MECOM: variants seen among roughly 807,000 people sequenced by gnomAD.
MECOM encodes the protein histone-lysine N-methyltransferase MECOM.
A neutral mutation model predicts 116.3 loss-of-function variants in MECOM; 13 were observed. The ratio of observed to expected loss-of-function variants is 0.11; its 90% CI spans 0.07 to 0.18. The LOEUF (loss-of-function observed/expected upper bound fraction) is 0.18. MECOM is among the 10% of genes least tolerant of loss of function. The pLI is 1.00. For missense variants in MECOM, 1,299 were observed against 1,509.0 expected, an observed-to-expected ratio of 0.86 and a Z score of 2.31; for synonymous variants, 528 against 535.2, an observed-to-expected ratio of 0.99 and a Z score of 0.19.
intron 1 of MECOM, among the ~76,000 whole-genome samples, chr3:169,638,012 C>T (rs1773021914): frequency 6.6e-6 from 1 of 152,198 alleles, no homozygotes; most frequent in Admixed American, 6.5e-5. Flanking sequence ...AGGAAATTCT[C>T]ATCAAGGATG....
chr3:169,323,777 A>G (rs1247170246), intron 2 of MECOM, among the ~76,000 whole-genome samples: 1 of 152,164 alleles, frequency 6.6e-6, no homozygotes, highest in East Asian at 1.9e-4. Context: ...CTGTTTGTAC[A>G]CTGACAGCAG....
At chr3:169,195,720 T>C (rs1480177290) in intron 2 of MECOM, among the ~76,000 whole-genome samples, 2 of 151,898 alleles carry the variant, frequency 1.3e-5, no homozygotes, top group South Asian at 2.1e-4. Flanking sequence ...AGATGCATTG[T>C]AGCCTGAGGG....
intron 1 of MECOM, among the ~76,000 whole-genome samples, chr3:169,549,892 C>A (rs1375188615): frequency 6.6e-6 from 1 of 152,030 alleles, no homozygotes; most frequent in Non-Finnish European, 1.5e-5. Context: ...ATAGCTTTGA[C>A]CTTTAGAGAG....
At chr3:169,352,469 T>C (rs923577240) in intron 2 of MECOM, among the ~76,000 whole-genome samples, 1 of 151,798 alleles carries the variant, frequency 6.6e-6, no homozygotes, top group African/African-American at 2.4e-5. Flanking sequence ...AACTGTGGAG[T>C]TGTCTAACGT....
At chr3:169,128,151 G>T in intron 4 of MECOM, 91 bp from the exon 5 acceptor site, 1 of 1,053,408 alleles carries the variant, frequency 9.5e-7, no homozygotes, top group Non-Finnish European at 1.5e-6. Flanking sequence ...GACATAATAG[G>T]TATTATTTGA....
chr3:169,141,522 C>G (rs529953693), intron 3 of MECOM, among the ~76,000 whole-genome samples: 20 of 152,110 alleles, frequency 1.3e-4, no homozygotes, highest in African/African-American at 4.8e-4. Context: ...AAAAACAGAC[C>G]TAGAGAATCT....
intron 8 of MECOM, 36 bp downstream of exon 8, chr3:169,115,347 T>A (rs1728805120): frequency 6.3e-7 from 1 of 1,590,020 alleles, no homozygotes. Context: ...CTTTCATACA[T>A]CTGCTCATAT....
At chr3:169,155,631 G>A (rs1360383104) in intron 2 of MECOM, among the ~76,000 whole-genome samples, 2 of 152,112 alleles carry the variant, frequency 1.3e-5, no homozygotes, top group Non-Finnish European at 2.9e-5. Context: ...AAACTCCAAT[G>A]GATCCCAATT....
chr3:169,196,640 C>T (rs1351722006), intron 2 of MECOM, among the ~76,000 whole-genome samples: 1 of 151,856 alleles, frequency 6.6e-6, no homozygotes, highest in Non-Finnish European at 1.5e-5. Context: ...TTCTAAATGG[C>T]TATTATTAAA....
At chr3:169,650,419 C>T (rs1774741166) in intron 1 of MECOM, among the ~76,000 whole-genome samples, 1 of 152,008 alleles carries the variant, frequency 6.6e-6, no homozygotes, top group East Asian at 1.9e-4. Flanking sequence ...ACAAAAAAGC[C>T]TTGAGGCCTG....
chr3:169,321,748 A>G (rs553402290), intron 2 of MECOM, among the ~76,000 whole-genome samples: 36 of 152,326 alleles, frequency 2.4e-4, no homozygotes, highest in African/African-American at 7.7e-4. Context: ...GAGGAGGTCA[A>G]ACATGAACAG....
intron 3 of MECOM, 73 bp from the exon 4 acceptor site, chr3:169,131,604 A>G: frequency 9.1e-7 from 1 of 1,098,066 alleles, no homozygotes; most frequent in Non-Finnish European, 1.3e-6. Context: ...AGGGCAAGAT[A>G]TACACTAAGA....
chr3:169,085,002 G>C lies in MECOM; in HGVS notation c.3627C>G (p.Leu1209=), dbSNP rs1717182718. The change falls in exon 17 of 17, where the codon CTC becomes CTG. Residue 1209 remains leucine, a synonymous_variant. Transcript: ENST00000651503. ...TGGAAGAACTGTGGGATGTAGAATGGAGGGACTCCTTGTCAGACAGTGACA... is the reference window on the plus strand; with the variant it reads ...TGGAAGAACTGTGGGATGTAGAATGCAGGGACTCCTTGTCAGACAGTGACA... The part of the protein sequence containing the change: ...MMLSLSDKES[L]HSTSHSSSNV... The C allele has an allele frequency of 1.2e-6, 2 of 1,614,148 alleles. No individual in the cohort carries two copies. The highest frequency in any genetic ancestry group is 1.7e-6 in the Non-Finnish European group (2 of 1,179,992).
At chr3:169,239,294 A>G (rs1297326126) in intron 2 of MECOM, among the ~76,000 whole-genome samples, 3 of 152,064 alleles carry the variant, frequency 2.0e-5, no homozygotes, top group African/African-American at 7.2e-5. Context: ...TAAATAATGT[A>G]ATACCAATAA....
chr3:169,106,330 T>C lies in MECOM; in HGVS notation c.2604+1596A>G, dbSNP rs75314679. ...TATTTTTGTGAGTACATTGTAGGTG[T>C]ATATATCTGTGGGATACATGAGATG... On this transcript the variant is annotated intron_variant, in intron 10 of 16. Coordinates refer to ENST00000651503, the MANE Select transcript of MECOM (RefSeq NM_004991.4). 2.7e-4 allele frequency among the ~76,000 whole-genome samples: 41 copies of C among 152,218 alleles called. No individual in the cohort carries two copies. In the East Asian group the frequency reaches 7.9e-3, roughly 29 times the overall value.
chr3:169,195,325 A>G (rs1274875897), intron 2 of MECOM, among the ~76,000 whole-genome samples: 1 of 152,158 alleles, frequency 6.6e-6, no homozygotes, highest in African/African-American at 2.4e-5. Flanking sequence ...AGGGCCAGTG[A>G]CCGTCATATT....
chr3:169,649,497 T>C (rs1283412799), intron 1 of MECOM, among the ~76,000 whole-genome samples: 2 of 151,482 alleles, frequency 1.3e-5, no homozygotes, highest in Non-Finnish European at 2.9e-5. Context: ...CAAAACCAGT[T>C]TGTAGTCATG....
chr3:169,224,744 C>A (rs1752533055), intron 2 of MECOM, among the ~76,000 whole-genome samples: 1 of 152,136 alleles, frequency 6.6e-6, no homozygotes. Context: ...TCATTATCCA[C>A]CAGGGACTGA....
chr3:169,381,286 T>C lies in MECOM; in HGVS notation c.276A>G (p.Leu92=). 2 of 1,613,902 alleles carry C rather than the reference T, an allele frequency of 1.2e-6. No individual in the cohort carries two copies. The highest frequency in any genetic ancestry group is 1.1e-5 in the South Asian group (1 of 91,082). Residue 92 remains leucine (L), a synonymous_variant, in exon 2 of 17, where the codon CTA becomes CTG. Transcript: ENST00000651503. ...LRESNMPGAG[L]GIWTKRKIEV... is the part of the protein sequence containing the mutation. ...CGATCTTCCTTTTGGTCCATATTCC[T>C]AGTCCTGCCCCAGGCATATTTGACT...
Sources: gnomAD v4.1 joint callset for allele counts (sites outside exome capture counted in the v4.1 genomes callset) on GRCh38, gnomAD v4.1.1 for gene constraint, MANE v1.5 for transcripts, NCBI Gene and HGNC (gene_info 2026-07-23, HGNC 2026-07-21) for gene names.